The following PTPN11 variants were observed in gnomAD, a reference collection of about 807,000 sequenced individuals.
PTPN11 encodes the protein protein tyrosine phosphatase non-receptor type 11.
PTPN11 carries 6 observed loss-of-function variants against 78.8 expected under a neutral mutation model. That is an observed-to-expected ratio of 0.08 (90% CI 0.04 to 0.15). PTPN11 has a LOEUF of 0.15. PTPN11 is among the 10% of genes least tolerant of loss of function. PTPN11 has a pLI of 1.00. For missense variants in PTPN11, 386 were observed against 744.8 expected, an observed-to-expected ratio of 0.52 and a Z score of 5.61; for synonymous variants, 221 against 263.5, an observed-to-expected ratio of 0.84 and a Z score of 1.56.
intron 1 of PTPN11, among the ~76,000 whole-genome samples, chr12:112,445,373 C>T (rs994634755): frequency 1.1e-4 from 16 of 152,192 alleles, no homozygotes; most frequent in African/African-American, 2.9e-4. Context: ...GTCAAGTGAT[C>T]TGCCCGCCTC....
chr12:112,459,908 TACACACACACACAC>T (rs56846748), intron 6 of PTPN11, among the ~76,000 whole-genome samples: 2 of 146,884 alleles, frequency 1.4e-5, no homozygotes, highest in Admixed American at 6.9e-5. Context: ...TCCTGATTGC[TACACACACACACAC>T]ACACACACAC....
chr12:112,467,263 A>G lies in PTPN11; in HGVS notation c.757-5681A>G, dbSNP rs1005333785. Among the ~76,000 whole-genome samples the G allele has an allele frequency of 2.6e-5, 4 of 152,300 alleles. No individual in the cohort carries two copies. In the East Asian group the frequency reaches 5.8e-4, roughly 22 times the overall value. ...TGTGGATACCTTTTAATAGTTTATT[A>G]GATGTGTTAGGCTGTTTTGCACTGC... On this transcript the variant is annotated intron_variant, in intron 6 of 15. Coordinates refer to ENST00000351677, the MANE Select transcript of PTPN11 (RefSeq NM_002834.5).
chr12:112,491,457 G>T (rs1025331718), intron 13 of PTPN11, among the ~76,000 whole-genome samples: 3 of 152,020 alleles, frequency 2.0e-5, no homozygotes, highest in African/African-American at 7.2e-5. Flanking sequence ...ATACCCCTTT[G>T]TCTCTAAATA....
intron 1 of PTPN11, among the ~76,000 whole-genome samples, chr12:112,427,168 C>G (rs1044725495): frequency 1.3e-5 from 2 of 151,748 alleles, no homozygotes; most frequent in Non-Finnish European, 2.9e-5. Context: ...ATTGCTTGAA[C>G]CTGGAAGGTG....
intron 6 of PTPN11, among the ~76,000 whole-genome samples, chr12:112,458,238 G>A (rs999775823): frequency 3.9e-5 from 6 of 152,138 alleles, no homozygotes; most frequent in Admixed American, 1.3e-4. Flanking sequence ...CTGAGACAGA[G>A]TCTCACTTTG....
At chr12:112,505,672 A>AAAG (rs2038925457) in intron 15 of PTPN11, among the ~76,000 whole-genome samples, 153 bp from the exon 16 acceptor site, 1 of 151,704 alleles carries the variant, frequency 6.6e-6, no homozygotes, top group Admixed American at 6.6e-5. Flanking sequence ...AAAAAAAAAA[A>AAAG]AAAAAAAAAC....
At chr12:112,502,278 T>A in intron 14 of PTPN11, 22 bp downstream of exon 14, 1 of 1,574,698 alleles carries the variant, frequency 6.4e-7, no homozygotes, top group Non-Finnish European at 8.7e-7. Flanking sequence ...TGAAGGAAAT[T>A]CTTTTTACCT....
intron 1 of PTPN11, among the ~76,000 whole-genome samples, chr12:112,423,529 G>T (rs1327958410): frequency 6.6e-6 from 1 of 151,980 alleles, no homozygotes; most frequent in African/African-American, 2.4e-5. Context: ...CAAGTGATCT[G>T]CCCACCTTGG....
At chr12:112,469,478 A>AT (rs2038380479) in intron 6 of PTPN11, among the ~76,000 whole-genome samples, 1 of 152,084 alleles carries the variant, frequency 6.6e-6, no homozygotes. Context: ...AAATGAAAAA[A>AT]TTTTTAAAAT....
chr12:112,492,741 T>C (rs998043735), intron 13 of PTPN11, among the ~76,000 whole-genome samples: 1 of 152,052 alleles, frequency 6.6e-6, no homozygotes, highest in Admixed American at 6.6e-5. Context: ...ATGGTCTTGA[T>C]CTCCTGACCT....
intron 11 of PTPN11, 21 bp downstream of exon 11, chr12:112,486,650 T>A: frequency 6.2e-7 from 1 of 1,611,566 alleles, no homozygotes; most frequent in Non-Finnish European, 8.5e-7. Context: ...CTGCTGCCCC[T>A]CTAGGCCACA....
At chr12:112,496,645 T>TA (rs2038817857) in intron 13 of PTPN11, among the ~76,000 whole-genome samples, 2 of 152,360 alleles carry the variant, frequency 1.3e-5, no homozygotes, top group South Asian at 4.1e-4. Flanking sequence ...ATTTGTGACT[T>TA]CTTTCTCTAA....
At chr12:112,484,254 T>C (rs2038640248) in intron 10 of PTPN11, among the ~76,000 whole-genome samples, 1 of 152,166 alleles carries the variant, frequency 6.6e-6, no homozygotes, top group Non-Finnish European at 1.5e-5. Flanking sequence ...AGTCCAGAAA[T>C]TTCTGTGCTG....
At chr12:112,490,812 A>G (rs1369967424) in intron 13 of PTPN11, among the ~76,000 whole-genome samples, 5 of 152,222 alleles carry the variant, frequency 3.3e-5, no homozygotes, top group African/African-American at 9.6e-5. Flanking sequence ...CCTGCAATAT[A>G]TAGTTTTCTG....
chr12:112,428,270 C>A (rs2037653751), intron 1 of PTPN11, among the ~76,000 whole-genome samples: 2 of 152,150 alleles, frequency 1.3e-5, no homozygotes, highest in Non-Finnish European at 2.9e-5. Flanking sequence ...TTGCCACTTC[C>A]CCTCCTTCCA....
chr12:112,464,617 A>G (rs1430443539), intron 6 of PTPN11, among the ~76,000 whole-genome samples: 1 of 151,812 alleles, frequency 6.6e-6, no homozygotes, highest in Non-Finnish European at 1.5e-5. Flanking sequence ...TAGGGATGGG[A>G]TTTCTCCATG....
intron 1 of PTPN11, among the ~76,000 whole-genome samples, chr12:112,437,029 CTT>C (rs1027024889): frequency 6.6e-6 from 1 of 151,888 alleles, no homozygotes; most frequent in African/African-American, 2.4e-5. Flanking sequence ...ATTTATCAAT[CTT>C]TTTTTTATTG....
At chr12:112,449,607 G>A (rs923771013) in intron 2 of PTPN11, among the ~76,000 whole-genome samples, 1 of 152,146 alleles carries the variant, frequency 6.6e-6, no homozygotes, top group African/African-American at 2.4e-5. Flanking sequence ...TGTATGAATA[G>A]TAATGTAGCA....
intron 1 of PTPN11, 36 bp downstream of exon 1, chr12:112,419,161 C>A (rs1474985895): frequency 4.0e-6 from 6 of 1,487,032 alleles, no homozygotes; most frequent in Non-Finnish European, 5.3e-6. Flanking sequence ...CGGGCCTCGG[C>A]CCGGCCACCG....
Sources: allele counts gnomAD v4.1 joint callset (sites outside exome capture counted in the v4.1 genomes callset), GRCh38; gene constraint gnomAD v4.1.1; transcripts MANE v1.5; gene names NCBI Gene and HGNC (gene_info 2026-07-23, HGNC 2026-07-21).